The following SIPA1L1 variants were observed in gnomAD, a reference collection of about 807,000 sequenced individuals.
The protein encoded by SIPA1L1 is signal-induced proliferation-associated 1-like protein 1.
Under a neutral mutation model 162.7 loss-of-function variants are expected in SIPA1L1, and 26 were observed. That is an observed-to-expected ratio of 0.16 (90% CI 0.12 to 0.22). SIPA1L1 has a LOEUF of 0.22. Ranked by LOEUF, SIPA1L1 falls within the 10% of genes least tolerant of loss-of-function variation. SIPA1L1 has a pLI of 1.00. For synonymous variants in SIPA1L1, 829 were observed against 837.4 expected, an observed-to-expected ratio of 0.99 and a Z score of 0.17; for missense variants, 1,874 against 2,241.0, an observed-to-expected ratio of 0.84 and a Z score of 3.31.
chr14:71,735,619 T>C, intron 22 of SIPA1L1: 1 of 462,498 alleles, frequency 2.2e-6, no homozygotes, highest in Non-Finnish European at 3.8e-6. Flanking sequence ...TTCATTATTA[T>C]TTAATGTCAT....
At chr14:71,463,226 G>C (rs1271349361) in intron 2 of SIPA1L1, among the ~76,000 whole-genome samples, 2 of 152,130 alleles carry the variant, frequency 1.3e-5, no homozygotes, top group Admixed American at 1.3e-4. Context: ...GCTTCCATTT[G>C]GACTTTCCCT....
chr14:71,441,003 G>A (rs554193902), intron 2 of SIPA1L1, among the ~76,000 whole-genome samples: 11 of 152,218 alleles, frequency 7.2e-5, no homozygotes, highest in African/African-American at 2.6e-4. Context: ...TATCACTAAG[G>A]AAAGTTAAGA....
chr14:71,562,671 G>T (rs755134563), intron 4 of SIPA1L1, among the ~76,000 whole-genome samples: 4 of 152,086 alleles, frequency 2.6e-5, no homozygotes, highest in Non-Finnish European at 5.9e-5. Flanking sequence ...TTTTCCATGT[G>T]TATGGAACAT....
At chr14:71,723,521 C>G (rs530909245) in intron 17 of SIPA1L1, 126 bp from the exon 18 acceptor site, 2 of 1,017,050 alleles carry the variant, frequency 2.0e-6, no homozygotes, top group Non-Finnish European at 2.9e-6. Flanking sequence ...AGCCAGGCAT[C>G]GCTGTTAATA....
At chr14:71,441,567 A>C (rs533267119) in intron 2 of SIPA1L1, among the ~76,000 whole-genome samples, 2 of 152,348 alleles carry the variant, frequency 1.3e-5, no homozygotes, top group Non-Finnish European at 2.9e-5. Context: ...AGATTCCTGC[A>C]TTCAGGTACC....
intron 13 of SIPA1L1, among the ~76,000 whole-genome samples, chr14:71,687,384 C>T (rs2080950376): frequency 6.6e-6 from 1 of 152,108 alleles, no homozygotes; most frequent in Non-Finnish European, 1.5e-5. Context: ...ATGATTTGGC[C>T]CACATTTTGA....
At chr14:71,684,042 G>A (rs2046045687) in intron 12 of SIPA1L1, among the ~76,000 whole-genome samples, 1 of 152,182 alleles carries the variant, frequency 6.6e-6, no homozygotes, top group African/African-American at 2.4e-5. Flanking sequence ...GTGGAGCCTT[G>A]GGCGGAGGGT....
intron 7 of SIPA1L1, among the ~76,000 whole-genome samples, chr14:71,626,738 A>G (rs1367704489): frequency 6.6e-6 from 1 of 151,934 alleles, no homozygotes; most frequent in East Asian, 1.9e-4. Flanking sequence ...GGAGCTTTAA[A>G]TCTCTTTTTA....
intron 2 of SIPA1L1, among the ~76,000 whole-genome samples, chr14:71,482,924 G>A (rs1233217331): frequency 6.6e-6 from 1 of 152,208 alleles, no homozygotes; most frequent in Non-Finnish European, 1.5e-5. Flanking sequence ...ATTTTTGTGT[G>A]TGTATGAATG....
chr14:71,563,364 T>G (rs2056945140), intron 4 of SIPA1L1, among the ~76,000 whole-genome samples: 1 of 152,076 alleles, frequency 6.6e-6, no homozygotes, highest in Non-Finnish European at 1.5e-5. Context: ...TTTTTCTGTC[T>G]TCTTTTGGTT....
chr14:71,515,462 T>C (rs1567135274), intron 3 of SIPA1L1, among the ~76,000 whole-genome samples: 2 of 152,210 alleles, frequency 1.3e-5, no homozygotes, highest in Admixed American at 6.5e-5. Flanking sequence ...ATCTCTTCTA[T>C]GGGCTATGGA....
At chr14:71,350,450 C>T (rs1009578797) in intron 2 of SIPA1L1, among the ~76,000 whole-genome samples, 7 of 152,122 alleles carry the variant, frequency 4.6e-5, no homozygotes, top group Non-Finnish European at 1.0e-4. Flanking sequence ...CACTGATTGG[C>T]CTTACCCGAT....
intron 2 of SIPA1L1, among the ~76,000 whole-genome samples, chr14:71,438,600 G>A (rs1279726107): frequency 6.6e-6 from 1 of 152,276 alleles, no homozygotes; most frequent in East Asian, 1.9e-4. Context: ...GACCACGGTT[G>A]CTTTGGTACC....
chr14:71,402,083 A>G (rs945447649), intron 2 of SIPA1L1, among the ~76,000 whole-genome samples: 8 of 152,170 alleles, frequency 5.3e-5, no homozygotes, highest in African/African-American at 9.7e-5. Flanking sequence ...AGTTAGCTGT[A>G]TGACGTTGGC....
At chr14:71,399,636 T>C (rs2041503059) in intron 2 of SIPA1L1, among the ~76,000 whole-genome samples, 1 of 152,198 alleles carries the variant, frequency 6.6e-6, no homozygotes, top group Non-Finnish European at 1.5e-5. Flanking sequence ...CTTGAATCCC[T>C]GGCCTCAAAC....
rs1407481300 is a variant in SIPA1L1, at chr14:71,705,225, C to G, written c.3650C>G (p.Pro1217Arg). 1 of 1,611,400 alleles carries G rather than the reference C, an allele frequency of 6.2e-7. No homozygotes were observed. The highest frequency in any genetic ancestry group is 1.3e-5 in the African/African-American group (1 of 74,876). The change falls in exon 16 of 24, where the codon CCA becomes CGA. Residue 1217 changes from proline (P) to arginine (R), a missense_variant. Physicochemically the swap from Pro to Arg is moderately radical, Grantham distance 103. Around this residue, in one of 5 missense-constraint regions of SIPA1L1, gnomAD observed 936 missense variants for 1,051.9 expected, o/e 0.89. Transcript: ENST00000381232. ...SEDSIADQMEPTCHLPAVSKV... is the reference protein window; with the variant it reads ...SEDSIADQMERTCHLPAVSKV... Reference sequence around the variant, plus strand: ...AATGTCCTATGCTGTATTCCAGAGCCAACATGCCATCTCCCAGCAGTATCA... The same window carrying G: ...AATGTCCTATGCTGTATTCCAGAGCGAACATGCCATCTCCCAGCAGTATCA...
At chr14:71,445,629 C>T (rs2045286572) in intron 2 of SIPA1L1, among the ~76,000 whole-genome samples, 1 of 152,082 alleles carries the variant, frequency 6.6e-6, no homozygotes, top group East Asian at 1.9e-4. Flanking sequence ...TAATATTACA[C>T]AATTATCTCT....
intron 2 of SIPA1L1, among the ~76,000 whole-genome samples, chr14:71,428,878 C>T (rs1320956009): frequency 1.3e-5 from 2 of 152,216 alleles, no homozygotes; most frequent in Non-Finnish European, 2.9e-5. Context: ...TGATGGGTAG[C>T]TGCAACTACG....
intron 8 of SIPA1L1, among the ~76,000 whole-genome samples, chr14:71,653,521 C>G (rs906908227): frequency 1.3e-5 from 2 of 152,166 alleles, no homozygotes; most frequent in Non-Finnish European, 2.9e-5. Flanking sequence ...GTCTTGGCTT[C>G]CCCCTTCAGT....
Sources: allele counts gnomAD v4.1 joint callset (sites outside exome capture counted in the v4.1 genomes callset), GRCh38; gene constraint gnomAD v4.1.1; regional missense constraint gnomAD v4.1.1; transcripts MANE v1.5; gene names NCBI Gene and HGNC (gene_info 2026-07-23, HGNC 2026-07-21).